FPR3: variants seen among roughly 807,000 people sequenced by gnomAD.
FPR3 encodes the protein N-formyl peptide receptor 3.
For missense variants in FPR3, 346 were observed against 443.2 expected, an observed-to-expected ratio of 0.78 and a Z score of 1.97; for synonymous variants, 135 against 163.6, an observed-to-expected ratio of 0.83 and a Z score of 1.34.
intron 1 of FPR3, among the ~76,000 whole-genome samples, chr19:51,795,854 A>C (rs1007284707): frequency 1.5e-4 from 23 of 152,102 alleles, no homozygotes; most frequent in African/African-American, 5.1e-4. Context: ...TTTATTACTA[A>C]AATAATTTCC....
At chr19:51,809,882 TG>T (rs1450994494) in intron 1 of FPR3, among the ~76,000 whole-genome samples, 3 of 152,274 alleles carry the variant, frequency 2.0e-5, no homozygotes, top group African/African-American at 7.2e-5. Flanking sequence ...AGGTCTGGAC[TG>T]GGAATGCCCT....
At chr19:51,819,505 A>G (rs1599839640) in intron 1 of FPR3, among the ~76,000 whole-genome samples, 1 of 150,448 alleles carries the variant, frequency 6.6e-6, no homozygotes, top group Non-Finnish European at 1.5e-5. Context: ...TGGAAAAAAA[A>G]TGTGTTTGAA....
In FPR3 at chr19:51,825,257, T is replaced by C. The variant is rs10445582; in HGVS notation, c.*447T>C. On this transcript the variant is annotated 3_prime_UTR_variant, in exon 2 of 2. Transcript: ENST00000339223. Reference sequence around the variant, plus strand: ...TTATTATAAAAGATACTACAAAGGATACAGATGAAGAGGCACATAGGGCAA... The same window carrying C: ...TTATTATAAAAGATACTACAAAGGACACAGATGAAGAGGCACATAGGGCAA... 0.1 allele frequency: 17,597 copies of C among 174,248 alleles called. 1,073 individuals carry two copies. The highest frequency in any genetic ancestry group is 0.26 in the South Asian group (1,388 of 5,316). 10.8% of individuals were successfully genotyped at this position (174,248 alleles called of 1,614,324 possible). A position where few individuals can be genotyped will look rare whatever the true frequency, so the allele number is the denominator to read the frequency against.
Position 51,823,848 on chromosome 19 carries a change from G to A in FPR3, c.100G>A (p.Gly34Arg), listed in dbSNP as rs201759424. 1.0e-4 allele frequency: 168 copies of A among 1,613,908 alleles called. No homozygotes were observed. The highest frequency in any genetic ancestry group is 5.9e-5 in the Non-Finnish European group (70 of 1,179,986). ...GTGGATCTTCTCATTGCTAGTCCAC[G>A]GAGTCACCTTTGTCTTCGGGGTCCT... ...VLWIFSLLVH[G>R]VTFVFGVLGN... Residue 34 changes from glycine to arginine, a missense_variant, in exon 2 of 2, where the codon GGA (glycine) becomes AGA (arginine). Transcript: ENST00000339223.
chr19:51,809,888 T>G (rs1349807250), intron 1 of FPR3, among the ~76,000 whole-genome samples: 1 of 152,128 alleles, frequency 6.6e-6, no homozygotes, highest in Non-Finnish European at 1.5e-5. Context: ...GGACTGGGAA[T>G]GCCCTCATTG....
At chr19:51,821,783 A>G (rs1399627293) in intron 1 of FPR3, among the ~76,000 whole-genome samples, 1 of 152,030 alleles carries the variant, frequency 6.6e-6, no homozygotes, top group Non-Finnish European at 1.5e-5. Context: ...ATGCTGAAAA[A>G]AAAAAACCTA....
At chr19:51,808,590 T>A (rs746044936) in intron 1 of FPR3, among the ~76,000 whole-genome samples, 1 of 152,178 alleles carries the variant, frequency 6.6e-6, no homozygotes, top group Non-Finnish European at 1.5e-5. Context: ...AGAAACAGGT[T>A]CTCTTTGATT....
chr19:51,796,621 A>G (rs1052981860), intron 1 of FPR3, among the ~76,000 whole-genome samples: 1 of 152,214 alleles, frequency 6.6e-6, no homozygotes, highest in East Asian at 1.9e-4. Flanking sequence ...TGCATTCAGC[A>G]TGTTCTGTAG....
At chr19:51,816,176 T>C (rs1346979046) in intron 1 of FPR3, among the ~76,000 whole-genome samples, 1 of 152,208 alleles carries the variant, frequency 6.6e-6, no homozygotes, top group African/African-American at 2.4e-5. Flanking sequence ...GGAAGCTCCA[T>C]GTACCACCTC....
Position 51,796,201 on chromosome 19 carries a change from C to T in FPR3, c.-11+870C>T, listed in dbSNP as rs1031293677. ...TGAGCCAGGTGCAGGAAGCTCAAGA[C>T]GAAGAGCACGGTAGGCAGAAGGAAT... is the stretch of plus-strand genomic sequence containing the variant. On this transcript the variant is annotated intron_variant, in intron 1 of 1. Transcript: ENST00000339223. 5.9e-5 allele frequency among the ~76,000 whole-genome samples: 9 copies of T among 152,046 alleles called. No homozygotes were observed. The East Asian group carries it at 7.7e-4, about 13-fold the overall frequency.
At chr19:51,797,900 T>TTTTTTTTG (rs1323781827) in intron 1 of FPR3, among the ~76,000 whole-genome samples, 25 of 146,188 alleles carry the variant, frequency 1.7e-4, no homozygotes, top group African/African-American at 6.5e-4. Context: ...TTTTTTTTTT[T>TTTTTTTTG]GAGACGGAGT....
chr19:51,797,426 G>A (rs1195227502), intron 1 of FPR3, among the ~76,000 whole-genome samples: 2 of 152,164 alleles, frequency 1.3e-5, no homozygotes, highest in African/African-American at 2.4e-5. Flanking sequence ...TCTTGAAAGA[G>A]AGGGGGCGTG....
At chr19:51,812,236 C>A (rs75887907) in intron 1 of FPR3, among the ~76,000 whole-genome samples, 7 of 152,070 alleles carry the variant, frequency 4.6e-5, no homozygotes, top group Non-Finnish European at 7.4e-5. Context: ...TATGGCCCAA[C>A]GTAGGGTGAA....
intron 1 of FPR3, among the ~76,000 whole-genome samples, chr19:51,796,582 G>A (rs1195398744): frequency 6.6e-6 from 1 of 152,172 alleles, no homozygotes; most frequent in Non-Finnish European, 1.5e-5. Context: ...CATGGACACC[G>A]GTCGTGGAGA....
intron 1 of FPR3, among the ~76,000 whole-genome samples, chr19:51,820,668 G>C (rs2084181767): frequency 6.6e-6 from 1 of 152,204 alleles, no homozygotes; most frequent in Non-Finnish European, 1.5e-5. Flanking sequence ...GAAAATCTGA[G>C]TCTGTTGAGG....
intron 1 of FPR3, among the ~76,000 whole-genome samples, chr19:51,798,217 G>A (rs2122408377): frequency 6.6e-6 from 1 of 152,228 alleles, no homozygotes; most frequent in Non-Finnish European, 1.5e-5. Context: ...CCAACTGGCA[G>A]GGGGAGGGGG....
At chr19:51,821,769 C>A (rs1010702547) in intron 1 of FPR3, among the ~76,000 whole-genome samples, 2 of 151,010 alleles carry the variant, frequency 1.3e-5, no homozygotes, top group Non-Finnish European at 2.9e-5. Context: ...ACCGGCTGGA[C>A]ATGATGCTGA....
chr19:51,815,543 T>C (rs1001040854), intron 1 of FPR3, among the ~76,000 whole-genome samples: 2 of 143,704 alleles, frequency 1.4e-5, no homozygotes, highest in African/African-American at 5.3e-5. Flanking sequence ...CACTCCAGCC[T>C]GAGGGACAGG....
chr19:51,808,322 G>A (rs192995676), intron 1 of FPR3, among the ~76,000 whole-genome samples: 1 of 152,294 alleles, frequency 6.6e-6, no homozygotes, highest in Non-Finnish European at 1.5e-5. Context: ...TAGTTCCTAA[G>A]TATTGGTATG....
Sources: gnomAD v4.1 joint callset for allele counts (sites outside exome capture counted in the v4.1 genomes callset) on GRCh38, gnomAD v4.1.1 for gene constraint, MANE v1.5 for transcripts, NCBI Gene and HGNC (gene_info 2026-07-23, HGNC 2026-07-21) for gene names.